FSTL4: variants seen among roughly 807,000 people sequenced by gnomAD.
The protein encoded by FSTL4 is follistatin-related protein 4.
A neutral mutation model predicts 78.2 loss-of-function variants in FSTL4; 28 were observed. The observed-to-expected ratio is 0.36, with a 90% CI of 0.27 to 0.49. The LOEUF (loss-of-function observed/expected upper bound fraction) is 0.49. Among genes scored for constraint, FSTL4 ranks in the 20% least tolerant of loss-of-function variants. FSTL4 has a pLI of 0.98. For synonymous variants in FSTL4, 422 were observed against 440.5 expected, an observed-to-expected ratio of 0.96 and a Z score of 0.53; for missense variants, 922 against 1,084.9, an observed-to-expected ratio of 0.85 and a Z score of 2.11.
chr5:133,780,439 A>G, the FSTL4 span, among the ~76,000 whole-genome samples: 1 of 118,230 alleles, frequency 8.5e-6, no homozygotes, highest in Non-Finnish European at 1.6e-5. Flanking sequence ...TGCTTCAGTT[A>G]TCTTCATGGC....
chr5:133,478,401 G>GT (rs1757962689), intron 3 of FSTL4, among the ~76,000 whole-genome samples: 12 of 152,150 alleles, frequency 7.9e-5, no homozygotes, highest in Non-Finnish European at 1.6e-4. Context: ...TAACCCACTC[G>GT]GGTTCAGACC....
chr5:133,410,174 C>T (rs1451145789), intron 3 of FSTL4, among the ~76,000 whole-genome samples: 2 of 152,236 alleles, frequency 1.3e-5, no homozygotes, highest in African/African-American at 4.8e-5. Context: ...GATTTCTGCC[C>T]TTGGGAGAGT....
chr5:133,211,393 G>C (rs1357991180), intron 13 of FSTL4, among the ~76,000 whole-genome samples: 6 of 152,092 alleles, frequency 3.9e-5, no homozygotes, highest in Admixed American at 3.9e-4. Flanking sequence ...AATCCACATG[G>C]AAGAGTCATC....
At chr5:133,555,963 T>C (rs1275654188) in intron 3 of FSTL4, among the ~76,000 whole-genome samples, 1 of 152,088 alleles carries the variant, frequency 6.6e-6, no homozygotes, top group East Asian at 1.9e-4. Context: ...CCCAGACCCG[T>C]GGGTTTTTTA....
At chr5:133,389,214 C>T (rs543292066) in intron 4 of FSTL4, among the ~76,000 whole-genome samples, 119 of 152,316 alleles carry the variant, frequency 7.8e-4, no homozygotes, top group African/African-American at 2.8e-3. Context: ...TCCTCCTCCT[C>T]TGTTGCAGAA....
chr5:133,729,117 G>T, the FSTL4 span, among the ~76,000 whole-genome samples: 1 of 152,090 alleles, frequency 6.6e-6, no homozygotes, highest in Admixed American at 6.5e-5. Context: ...GTGGGGAAAG[G>T]TTCCTGAAAG....
chr5:133,736,931 A>T, the FSTL4 span, among the ~76,000 whole-genome samples: 11 of 152,178 alleles, frequency 7.2e-5, no homozygotes, highest in East Asian at 5.8e-4. Context: ...GATCTTTTTT[A>T]AAAAAATGTT....
intron 6 of FSTL4, among the ~76,000 whole-genome samples, chr5:133,268,430 C>G (rs956981221): frequency 5.3e-5 from 8 of 152,192 alleles, no homozygotes; most frequent in Admixed American, 1.3e-4. Context: ...TCACTACCCC[C>G]CTACATGGGT....
chr5:133,498,085 C>A lies in FSTL4; in HGVS notation c.160+69101G>T, dbSNP rs868433942. Among the ~76,000 whole-genome samples the A allele has an allele frequency of 3.4e-5, 5 of 145,698 alleles. 1 individual carries two copies. In the Middle Eastern group the frequency reaches 0.014, roughly 396 times the overall value. On this transcript the variant is annotated intron_variant, in intron 3 of 15. Transcript: ENST00000265342. Reference sequence around the variant, plus strand: ...TGCTATCCCATAATATTCTTTAGCACCCCCCCAATAAATACATACTGGGAG... The same window carrying A: ...TGCTATCCCATAATATTCTTTAGCAACCCCCCAATAAATACATACTGGGAG...
the FSTL4 span, among the ~76,000 whole-genome samples, chr5:133,637,747 C>T: frequency 6.6e-6 from 1 of 151,800 alleles, no homozygotes; most frequent in African/African-American, 2.4e-5. Flanking sequence ...GGTTTTGTCA[C>T]CTTGTATAAG....
intron 6 of FSTL4, among the ~76,000 whole-genome samples, chr5:133,271,601 C>G (rs777990667): frequency 2.6e-5 from 4 of 152,154 alleles, no homozygotes; most frequent in African/African-American, 9.7e-5. Context: ...AATGAGATAC[C>G]AAGTCCCTTC....
At chr5:133,624,159 G>A in the FSTL4 span, among the ~76,000 whole-genome samples, 1 of 151,914 alleles carries the variant, frequency 6.6e-6, no homozygotes, top group Admixed American at 6.6e-5. Context: ...AATGTTCGCA[G>A]CAGCAATACT....
chr5:133,768,945 T>C, the FSTL4 span, among the ~76,000 whole-genome samples: 1 of 152,232 alleles, frequency 6.6e-6, no homozygotes, highest in African/African-American at 2.4e-5. Context: ...GTCTGTCCTG[T>C]GGATCACAGG....
chr5:133,682,845 G>A, the FSTL4 span, among the ~76,000 whole-genome samples: 1 of 152,194 alleles, frequency 6.6e-6, no homozygotes, highest in Non-Finnish European at 1.5e-5. Flanking sequence ...ATGTGTTGAT[G>A]CTGAGGCCTG....
At chr5:133,593,035 G>C (rs1362777956) in intron 2 of FSTL4, among the ~76,000 whole-genome samples, 1 of 152,074 alleles carries the variant, frequency 6.6e-6, no homozygotes, top group Admixed American at 6.6e-5. Context: ...CCTCCAATAG[G>C]ACAGTTTTGG....
At chr5:133,590,031 A>C (rs17642806) in intron 2 of FSTL4, among the ~76,000 whole-genome samples, 34,674 of 152,136 alleles carry the variant, frequency 0.23, 4,268 homozygotes, top group East Asian at 0.29. Context: ...ATTCTATCAT[A>C]TCAATAGCTA....
At chr5:133,234,134 G>T (rs916353894) in intron 7 of FSTL4, among the ~76,000 whole-genome samples, 10 of 152,170 alleles carry the variant, frequency 6.6e-5, no homozygotes, top group African/African-American at 2.2e-4. Context: ...CCCATGGGCT[G>T]CAGTTGGCCT....
chr5:133,289,100 G>A (rs1205700009), intron 6 of FSTL4, among the ~76,000 whole-genome samples: 2 of 152,204 alleles, frequency 1.3e-5, no homozygotes, highest in Non-Finnish European at 2.9e-5. Flanking sequence ...GATCCCAGCT[G>A]CCCTTGGGAA....
At chr5:133,710,853 A>C in the FSTL4 span, among the ~76,000 whole-genome samples, 1 of 152,350 alleles carries the variant, frequency 6.6e-6, no homozygotes, top group African/African-American at 2.4e-5. Flanking sequence ...TAACCAAATA[A>C]ATGTTCACAC....
Sources: gnomAD v4.1 joint callset for allele counts (sites outside exome capture counted in the v4.1 genomes callset) on GRCh38, gnomAD v4.1.1 for gene constraint, MANE v1.5 for transcripts, NCBI Gene and HGNC (gene_info 2026-07-23, HGNC 2026-07-21) for gene names.